AMBRA1: variants seen among roughly 807,000 people sequenced by gnomAD.
AMBRA1 encodes the protein activating molecule in BECN1-regulated autophagy protein 1.
AMBRA1 carries 47 observed loss-of-function variants against 125.4 expected under a neutral mutation model. That is an observed-to-expected ratio of 0.37 (90% CI 0.30 to 0.48). AMBRA1 has a LOEUF of 0.48. Ranked by LOEUF, AMBRA1 falls within the 20% of genes least tolerant of loss-of-function variation. AMBRA1 has a pLI of 0.99. For synonymous variants in AMBRA1, 626 were observed against 655.5 expected, an observed-to-expected ratio of 0.95 and a Z score of 0.69; for missense variants, 1,331 against 1,693.4, an observed-to-expected ratio of 0.79 and a Z score of 3.76.
intron 1 of AMBRA1, among the ~76,000 whole-genome samples, chr11:46,565,868 G>A (rs1372480723): frequency 6.6e-6 from 1 of 151,850 alleles, no homozygotes; most frequent in African/African-American, 2.4e-5. Context: ...CACCTCCCAG[G>A]CTCAAGTGAT....
intron 7 of AMBRA1, among the ~76,000 whole-genome samples, chr11:46,528,015 T>A (rs770789026): frequency 6.6e-6 from 1 of 152,214 alleles, no homozygotes; most frequent in Admixed American, 6.5e-5. Flanking sequence ...CCCATGTTCA[T>A]TGCAGCATTT....
chr11:46,549,762 G>A (rs897777570), intron 1 of AMBRA1, among the ~76,000 whole-genome samples: 16 of 151,576 alleles, frequency 1.1e-4, no homozygotes, highest in African/African-American at 3.9e-4. Context: ...TCCTAGAATG[G>A]CCTCCATGTT....
intron 9 of AMBRA1, chr11:46,495,598 T>C (rs534815852): frequency 1.3e-5 from 2 of 152,314 alleles, no homozygotes; most frequent in African/African-American, 4.8e-5. Flanking sequence ...GATAAGACTA[T>C]ATGGAATGTA....
intron 1 of AMBRA1, among the ~76,000 whole-genome samples, chr11:46,573,682 ATACTTT>A (rs1287653530): frequency 8.3e-6 from 1 of 121,054 alleles, no homozygotes; most frequent in Non-Finnish European, 1.7e-5. Context: ...TTTTTTTATT[ATACTTT>A]AAGTTTTAGG....
rs1023678198 is a variant in AMBRA1, at chr11:46,397,224, G to A, written c.*226C>T. On this transcript the variant is annotated 3_prime_UTR_variant, in exon 18 of 18. Coordinates refer to ENST00000683756, the MANE Select transcript of AMBRA1 (RefSeq NM_001387011.1). ...CTATTCACATTAAGCCCACAGTGTGGCTCTCCCGGGCTCCAGATCCTGGAA... is the reference window on the plus strand; with the variant it reads ...CTATTCACATTAAGCCCACAGTGTGACTCTCCCGGGCTCCAGATCCTGGAA... 2.0e-5 allele frequency: 9 copies of A among 460,740 alleles called. No individual in the cohort carries two copies. Among genetic ancestry groups the A allele is most frequent in the African/African-American group, 6.0e-5 (3 of 49,740 alleles). 28.5% of individuals were successfully genotyped at this position (460,740 alleles called of 1,614,324 possible). A position where few individuals can be genotyped will look rare whatever the true frequency, so the allele number is the denominator to read the frequency against.
At chr11:46,547,927 G>T in intron 2 of AMBRA1, 52 bp from the exon 3 acceptor site, 1 of 1,553,158 alleles carries the variant, frequency 6.4e-7, no homozygotes. Flanking sequence ...GTAGACCATG[G>T]TTCACCGTAT....
chr11:46,563,502 G>A (rs1459471430), intron 1 of AMBRA1, among the ~76,000 whole-genome samples: 1 of 152,130 alleles, frequency 6.6e-6, no homozygotes, highest in African/African-American at 2.4e-5. Flanking sequence ...TGGGATTACA[G>A]GCATGAGCCA....
At chr11:46,536,470 CT>C (rs146507289) in intron 7 of AMBRA1, among the ~76,000 whole-genome samples, 2,834 of 152,232 alleles carry the variant, frequency 0.019, 94 homozygotes, top group African/African-American at 0.065. Flanking sequence ...TCCAAAGAAA[CT>C]GGGAGAGATT....
chr11:46,409,097 T>C (rs1946160388), intron 16 of AMBRA1, among the ~76,000 whole-genome samples: 1 of 152,192 alleles, frequency 6.6e-6, no homozygotes, highest in South Asian at 2.1e-4. Flanking sequence ...GAAGGTCCTT[T>C]CTCTCTTTAG....
intron 11 of AMBRA1, among the ~76,000 whole-genome samples, chr11:46,448,923 T>A (rs1948444048): frequency 6.6e-6 from 1 of 152,202 alleles, no homozygotes; most frequent in Non-Finnish European, 1.5e-5. Flanking sequence ...TAGGCCTATA[T>A]CTATTAAATT....
chr11:46,410,158 G>T, intron 16 of AMBRA1, 118 bp downstream of exon 16: 1 of 841,216 alleles, frequency 1.2e-6, no homozygotes, highest in Non-Finnish European at 2.0e-6. Context: ...TCAAGGAGGT[G>T]CTGCTCTGGT....
At chr11:46,529,429 T>C (rs568670747) in intron 7 of AMBRA1, among the ~76,000 whole-genome samples, 211 of 152,220 alleles carry the variant, frequency 1.4e-3, no homozygotes, top group Middle Eastern at 3.4e-3. Context: ...GTGGGTGAAT[T>C]AGGCAGGATG....
chr11:46,593,660 C>T (rs1198372910), intron 1 of AMBRA1, among the ~76,000 whole-genome samples, 168 bp downstream of exon 1: 1 of 152,188 alleles, frequency 6.6e-6, no homozygotes, highest in Admixed American at 6.5e-5. Context: ...GCTTCTCCCT[C>T]GGTTCCGGGC....
chr11:46,569,810 A>G (rs2043691206), intron 1 of AMBRA1, among the ~76,000 whole-genome samples: 1 of 151,752 alleles, frequency 6.6e-6, no homozygotes, highest in Admixed American at 6.6e-5. Flanking sequence ...AAAAATACAA[A>G]ATTAGCCAGG....
intron 1 of AMBRA1, among the ~76,000 whole-genome samples, chr11:46,560,740 T>A (rs2043304661): frequency 6.6e-6 from 1 of 151,894 alleles, no homozygotes; most frequent in South Asian, 2.1e-4. Flanking sequence ...ATCAAAAGAA[T>A]CAAGAAGACC....
At chr11:46,427,284 G>GT (rs1027974958) in intron 14 of AMBRA1, among the ~76,000 whole-genome samples, 1 of 152,166 alleles carries the variant, frequency 6.6e-6, no homozygotes, top group African/African-American at 2.4e-5. Flanking sequence ...TGGATCCCAA[G>GT]TTTTTTCTAT....
intron 1 of AMBRA1, among the ~76,000 whole-genome samples, chr11:46,584,853 C>T (rs1214650036): frequency 6.6e-6 from 1 of 152,162 alleles, no homozygotes; most frequent in Non-Finnish European, 1.5e-5. Context: ...GGGTGGATCA[C>T]CTGAGGTCAG....
At chr11:46,457,170 C>T (rs984558151) in intron 11 of AMBRA1, among the ~76,000 whole-genome samples, 3 of 152,178 alleles carry the variant, frequency 2.0e-5, no homozygotes, top group Non-Finnish European at 2.9e-5. Context: ...CTGCTCCCAG[C>T]GAAGAAAGGT....
At chr11:46,474,165 A>AG (rs1949719623) in intron 11 of AMBRA1, among the ~76,000 whole-genome samples, 1 of 152,016 alleles carries the variant, frequency 6.6e-6, no homozygotes, top group Non-Finnish European at 1.5e-5. Flanking sequence ...TGATTTAGGA[A>AG]GAAAAAAAAA....
Sources: allele counts gnomAD v4.1 joint callset (sites outside exome capture counted in the v4.1 genomes callset), GRCh38; gene constraint gnomAD v4.1.1; transcripts MANE v1.5; gene names NCBI Gene and HGNC (gene_info 2026-07-23, HGNC 2026-07-21).